The following FOCAD variants were observed in gnomAD, a reference collection of about 807,000 sequenced individuals.
FOCAD encodes focadhesin.
In FOCAD, 198 loss-of-function variants were observed where a neutral mutation model predicts 225.6. That is an observed-to-expected ratio of 0.88 (90% CI 0.78 to 0.99). The LOEUF is 0.99. FOCAD is among the 50% of genes least tolerant of loss of function. The pLI is 0.00. For synonymous variants in FOCAD, 897 were observed against 755.0 expected (o/e 1.19, Z -3.08); for missense variants, 2,713 against 2,123.6 (o/e 1.28, Z -5.46).
At chr9:20,882,562 C>A (rs1279067882) in intron 20 of FOCAD, among the ~76,000 whole-genome samples, 1 of 152,134 alleles carries the variant, frequency 6.6e-6, no homozygotes, top group African/African-American at 2.4e-5. Context: ...GGTAAAAGCC[C>A]AAGAGAGAAT....
rs900958956 is a variant in FOCAD at position 20,933,858 on chromosome 9, C to T, written c.3407+755C>T. Among the ~76,000 whole-genome samples the T allele has an allele frequency of 2.9e-4, 44 of 151,870 alleles. 1 individual carries two copies. Among genetic ancestry groups the T allele is most frequent in the African/African-American group, 8.0e-4 (33 of 41,332 alleles). Reference sequence around the variant, plus strand: ...CAGTGTAGAAGTGTTCTCTGTTCACCGCGTCCACACCAACATCTATTTTTT... The same window carrying T: ...CAGTGTAGAAGTGTTCTCTGTTCACTGCGTCCACACCAACATCTATTTTTT... On this transcript the variant is annotated intron_variant, in intron 28 of 43. Coordinates refer to ENST00000338382, the MANE Select transcript of FOCAD (RefSeq NM_001375567.1).
chr9:20,995,572 G>C lies in FOCAD; in HGVS notation c.5349G>C (p.Leu1783Phe). 6.2e-7 allele frequency: 1 copy of C among 1,612,754 alleles called. No individual in the cohort carries two copies. Among genetic ancestry groups the C allele is most frequent in the Non-Finnish European group, 8.5e-7 (1 of 1,178,926 alleles). Residue 1783 changes from leucine to phenylalanine, a missense_variant, in exon 44 of 44, where the codon TTG (leucine) becomes TTC (phenylalanine). Coordinates refer to ENST00000338382, the MANE Select transcript of FOCAD (RefSeq NM_001375567.1). ...RDLLKATLLSLRVLPEFKKKA... is the reference protein window; with the variant it reads ...RDLLKATLLSFRVLPEFKKKA... Reference sequence around the variant, plus strand: ...TCCCCTTAGCCACCCTGCTGTCCTTGAGAGTTCTCCCAGAGTTTAAGAAGA... The same window carrying C: ...TCCCCTTAGCCACCCTGCTGTCCTTCAGAGTTCTCCCAGAGTTTAAGAAGA...
At chr9:20,889,825 A>T (rs918503809) in intron 21 of FOCAD, among the ~76,000 whole-genome samples, 1 of 152,184 alleles carries the variant, frequency 6.6e-6, no homozygotes, top group Admixed American at 6.5e-5. Context: ...GGTCAACTTG[A>T]GAGAGGACTG....
At chr9:20,737,029 G>A (rs974932148) in intron 4 of FOCAD, among the ~76,000 whole-genome samples, 7 of 152,006 alleles carry the variant, frequency 4.6e-5, no homozygotes, top group Non-Finnish European at 7.4e-5. Flanking sequence ...TTTGAATGGC[G>A]CTATGTGTAA....
chr9:20,715,381 G>C lies in FOCAD; in HGVS notation c.28G>C (p.Glu10Gln), dbSNP rs964721654. The C allele has an allele frequency of 2.6e-6, 4 of 1,522,808 alleles. No homozygotes were observed. The highest frequency in any genetic ancestry group is 1.4e-5 in the South Asian group (1 of 72,516). 94.3% of individuals were successfully genotyped at this position (1,522,808 alleles called of 1,614,324 possible). ...GTCAGATGATATCAGGAAAAGGTTTGAATTTCCAAATTCTCTTATCCAATC... is the reference window on the plus strand; with the variant it reads ...GTCAGATGATATCAGGAAAAGGTTTCAATTTCCAAATTCTCTTATCCAATC... MSDDIRKRF[E>Q]FPNSLIQSQA... is the part of the protein sequence containing the mutation. The change falls in exon 2 of 44, where the codon GAA becomes CAA. Residue 10 changes from glutamate to glutamine, a missense_variant. By Grantham distance (29) the Glu-to-Gln change is conservative (BLOSUM62 2). Transcript: ENST00000338382.
At chr9:20,798,574 G>C (rs147153324) in intron 11 of FOCAD, among the ~76,000 whole-genome samples, 11,196 of 152,124 alleles carry the variant, frequency 0.074, 790 homozygotes, top group African/African-American at 0.19. Context: ...GTTTAGTCTT[G>C]GGAGGATGTA....
At chr9:20,764,309 A>G (rs1829868570) in intron 6 of FOCAD, among the ~76,000 whole-genome samples, 1 of 152,162 alleles carries the variant, frequency 6.6e-6, no homozygotes, top group Non-Finnish European at 1.5e-5. Flanking sequence ...GCTGGAGTGC[A>G]GTGGAGCAAT....
chr9:20,798,175 C>T (rs1821353453), intron 11 of FOCAD, among the ~76,000 whole-genome samples: 1 of 152,144 alleles, frequency 6.6e-6, no homozygotes, highest in Admixed American at 6.5e-5. Context: ...GTTGAACCAG[C>T]CTTGCATCCT....
chr9:20,663,178 G>A (rs147516415), intron 2 of FOCAD, among the ~76,000 whole-genome samples: 3 of 152,000 alleles, frequency 2.0e-5, no homozygotes, highest in Admixed American at 2.0e-4. Context: ...CTTAAAGTTA[G>A]GAGTTTGAGA....
intron 6 of FOCAD, 45 bp from the exon 7 acceptor site, chr9:20,764,824 G>A: frequency 6.9e-7 from 1 of 1,458,942 alleles, no homozygotes; most frequent in Non-Finnish European, 9.5e-7. Context: ...CTGCTTGATA[G>A]TGTGTTTAAC....
Position 20,932,883 on chromosome 9 carries a change from ATTGTCACT to A in FOCAD, c.3318-128_3318-121del, listed in dbSNP as rs1447543762. The A allele has an allele frequency of 1.2e-5, 8 of 648,204 alleles. No homozygotes were observed. In the East Asian group the frequency reaches 2.2e-4, roughly 18 times the overall value. The allele number at this position is 648,204 out of a possible 1,614,324, so 40.2% of individuals were successfully genotyped here. A position where few individuals can be genotyped will look rare whatever the true frequency, so the allele number is the denominator to read the frequency against. ...AAATAAGAATAGGCAACTCATCAATATTGTCACTTTTTTTTTTAAGAGAAATGCTGGTA... is the reference window on the plus strand; with the variant it reads ...AAATAAGAATAGGCAACTCATCAATATTTTTTTTTAAGAGAAATGCTGGTA... On this transcript the variant is annotated intron_variant, in intron 27 of 43. Transcript: ENST00000338382.
intron 1 of FOCAD, among the ~76,000 whole-genome samples, chr9:20,709,328 G>A (rs1824646250): frequency 6.6e-6 from 1 of 152,076 alleles, no homozygotes; most frequent in Non-Finnish European, 1.5e-5. Context: ...ATGCATTTTT[G>A]TAGCATGTGG....
chr9:20,948,982 C>G (rs1248682335), intron 32 of FOCAD, 54 bp downstream of exon 32: 12 of 1,513,080 alleles, frequency 7.9e-6, no homozygotes, highest in Admixed American at 1.7e-5. Context: ...ATAGCCATAG[C>G]GGGAGAAGAA....
chr9:20,881,997 A>G lies in FOCAD; in HGVS notation c.2444A>G (p.Asn815Ser). 2 of 1,613,956 alleles carry G rather than the reference A, an allele frequency of 1.2e-6. No individual in the cohort carries two copies. The highest frequency in any genetic ancestry group is 8.5e-7 in the Non-Finnish European group (1 of 1,179,892). The change falls in exon 20 of 44, where the codon AAT becomes AGT. Residue 815 changes from asparagine (N) to serine (S), a missense_variant. By Grantham distance (46) the Asn-to-Ser change is conservative. Transcript: ENST00000338382. ...GGAAAGACTGTAGCAGGAATCCCCA[A>G]TTTTATATTGAAAATGTATGAAACA... ...DQGKTVAGIP[N>S]FILKMYETNK...
intron 15 of FOCAD, among the ~76,000 whole-genome samples, chr9:20,858,492 CTCT>C (rs1330025551): frequency 6.6e-6 from 1 of 151,912 alleles, no homozygotes; most frequent in Non-Finnish European, 1.5e-5. Flanking sequence ...TGAATGTTCT[CTCT>C]TTTTTTCTTA....
chr9:20,924,356 T>G (rs1212714141), intron 25 of FOCAD, among the ~76,000 whole-genome samples: 1 of 152,174 alleles, frequency 6.6e-6, no homozygotes, highest in East Asian at 1.9e-4. Context: ...TCGTTAAAAA[T>G]ATAGGCTTTG....
intron 15 of FOCAD, among the ~76,000 whole-genome samples, chr9:20,827,795 A>G (rs1224019683): frequency 3.3e-5 from 5 of 152,260 alleles, no homozygotes; most frequent in Middle Eastern, 3.4e-3. Flanking sequence ...AATGGAAGGT[A>G]TGTATGAACA....
At chr9:20,980,343 T>C (rs1340055786) in intron 37 of FOCAD, among the ~76,000 whole-genome samples, 1 of 152,306 alleles carries the variant, frequency 6.6e-6, no homozygotes, top group Admixed American at 6.5e-5. Flanking sequence ...AGCCCTGTTC[T>C]ATTCACTCCT....
chr9:20,945,993 A>G (rs1837135692), intron 29 of FOCAD, among the ~76,000 whole-genome samples: 1 of 152,192 alleles, frequency 6.6e-6, no homozygotes, highest in Admixed American at 6.5e-5. Flanking sequence ...ACTTGCCCAA[A>G]GTTACTACGC....
Sources: allele counts gnomAD v4.1 joint callset (sites outside exome capture counted in the v4.1 genomes callset), GRCh38; gene constraint gnomAD v4.1.1; transcripts MANE v1.5; gene names NCBI Gene and HGNC (gene_info 2026-07-23, HGNC 2026-07-21).